Variants in NBPF14 observed in about 807,000 individuals in gnomAD.
NBPF14 encodes NBPF family member NBPF14.
A neutral mutation model predicts 91.2 loss-of-function variants in NBPF14; 104 were observed. The ratio of observed to expected loss-of-function variants is 1.14; its 90% CI spans 0.97 to 1.34. The LOEUF is 1.34. Ranked by LOEUF, NBPF14 falls within the 40% of genes most tolerant of loss-of-function variation. The pLI is 0.00. For missense variants in NBPF14, 908 were observed against 783.0 expected, an observed-to-expected ratio of 1.16 and a Z score of -1.91; for synonymous variants, 294 against 303.8, an observed-to-expected ratio of 0.97 and a Z score of 0.34.
intron 69 of NBPF14, among the ~76,000 whole-genome samples, chr1:148,534,214 T>A (rs1302354157): frequency 1.3e-5 from 2 of 150,878 alleles, no homozygotes; most frequent in African/African-American, 2.4e-5. Context: ...TTGTCCCAAG[T>A]TTCTGCAAAC....
chr1:148,559,676 T>C lies in NBPF14; in HGVS notation c.4729+117A>G, dbSNP rs1412373788. Reference sequence around the variant, plus strand: ...GTTTCATTCAACCTACATGTGCCTATAGGTCCTCCCTGTGGCAATGACATC... The same window carrying C: ...GTTTCATTCAACCTACATGTGCCTACAGGTCCTCCCTGTGGCAATGACATC... On this transcript the variant is annotated intron_variant, in intron 37 of 70. Transcript: ENST00000619423. The C allele has an allele frequency of 3.6e-3, 2,326 of 652,386 alleles. 42 individuals carry two copies. The highest frequency in any genetic ancestry group is 7.2e-3 in the South Asian group (414 of 57,612). The allele number at this position is 652,386 out of a possible 1,614,324, so 40.4% of individuals were successfully genotyped here.
intron 40 of NBPF14, among the ~76,000 whole-genome samples, 168 bp from the exon 41 acceptor site, chr1:148,557,030 T>C (rs1656680368): frequency 1.0e-5 from 1 of 97,648 alleles, no homozygotes; most frequent in Non-Finnish European, 1.8e-5. Flanking sequence ...CAGGGCCAAA[T>C]GGAAAAGAAT....
chr1:148,594,014 C>T (rs1553798058), intron 2 of NBPF14, among the ~76,000 whole-genome samples: 1 of 148,884 alleles, frequency 6.7e-6, no homozygotes, highest in Non-Finnish European at 1.5e-5. Flanking sequence ...CTTTCCCAAG[C>T]CTTGCAGCCT....
intron 70 of NBPF14, 83 bp downstream of exon 70, chr1:148,533,778 C>A (rs797039629): frequency 2.6e-6 from 2 of 763,608 alleles, no homozygotes; most frequent in South Asian, 1.3e-5. Context: ...GAAAATATGA[C>A]ATCAAACACA....
intron 59 of NBPF14, among the ~76,000 whole-genome samples, chr1:148,542,193 G>C (rs1214612558): frequency 9.3e-5 from 8 of 86,406 alleles, no homozygotes; most frequent in East Asian, 7.8e-4. Flanking sequence ...CAAATACGCA[G>C]ATTGTTCATG....
rs1653955407 is a variant in NBPF14 at position 148,533,032 on chromosome 1, GA to G, written c.8939del (p.Phe2980SerfsTer29). On this transcript the variant is annotated frameshift_variant, in exon 71 of 71. Transcript: ENST00000619423. LOFTEE classifies it high-confidence loss of function. ...ATTGTGGGAATATGACTCCCATCTG[GA>G]ACACCAGGTGGAGACTTGTCACCGT... 1 of 1,055,130 alleles carries G rather than the reference GA, an allele frequency of 9.5e-7. No individual in the cohort carries two copies. The highest frequency in any genetic ancestry group is 1.3e-6 in the Non-Finnish European group (1 of 787,088). 65.4% of individuals were successfully genotyped at this position (1,055,130 alleles called of 1,614,324 possible).
chr1:148,578,208 T>A (rs1190553035), intron 13 of NBPF14, among the ~76,000 whole-genome samples, 174 bp from the exon 14 acceptor site: 6 of 151,880 alleles, frequency 4.0e-5, no homozygotes, highest in Non-Finnish European at 2.9e-5. Flanking sequence ...TGGCTTGTGT[T>A]CTTTCATGAG....
intron 68 of NBPF14, among the ~76,000 whole-genome samples, chr1:148,535,112 G>A (rs1469306981): frequency 1.4e-5 from 2 of 146,402 alleles, no homozygotes; most frequent in African/African-American, 5.3e-5. Flanking sequence ...ACACACTGAT[G>A]AAGGGGTCAA....
At chr1:148,590,249 G>T (rs1662262694) in intron 6 of NBPF14, among the ~76,000 whole-genome samples, 1 of 139,914 alleles carries the variant, frequency 7.1e-6, no homozygotes, top group Non-Finnish European at 1.6e-5. Flanking sequence ...AGTAAAGATG[G>T]GGTTTCACCG....
chr1:148,560,277 A>C (rs1657587955), intron 36 of NBPF14, among the ~76,000 whole-genome samples: 1 of 144,554 alleles, frequency 6.9e-6, no homozygotes, highest in East Asian at 2.1e-4. Flanking sequence ...CCCTCATGAC[A>C]CACAGCAAAC....
chr1:148,580,873 A>ATT (rs1660802190), intron 12 of NBPF14, among the ~76,000 whole-genome samples: 1 of 104,846 alleles, frequency 9.5e-6, no homozygotes, highest in Non-Finnish European at 2.0e-5. Context: ...TTTTTTTTTT[A>ATT]ATACTTTAAG....
At position 148,566,437 on chromosome 1, in the gene NBPF14, G is replaced by A. The variant is rs1296695565; in HGVS notation, c.3543-122C>T. ...AAACTAAAAGGATAGATCCATTAAT[G>A]AGGTAACAAATTGTTGCCTTCATGT... On this transcript the variant is annotated intron_variant, in intron 28 of 70. Transcript: ENST00000619423. The A allele has an allele frequency of 1.5e-5, 9 of 602,702 alleles. 2 individuals are homozygous for A. Among genetic ancestry groups the A allele is most frequent in the African/African-American group, 9.7e-5 (5 of 51,562 alleles). The allele number at this position is 602,702 out of a possible 1,614,324, so 37.3% of individuals were successfully genotyped here.
At chr1:148,581,705 G>C (rs1200171942) in intron 12 of NBPF14, among the ~76,000 whole-genome samples, 1 of 150,732 alleles carries the variant, frequency 6.6e-6, no homozygotes, top group Non-Finnish European at 1.5e-5. Flanking sequence ...ACCGGTACCA[G>C]CCACTGCAAA....
At chr1:148,580,800 CTTT>C (rs1257563102) in intron 12 of NBPF14, among the ~76,000 whole-genome samples, 1 of 74,986 alleles carries the variant, frequency 1.3e-5, no homozygotes. Context: ...ATTCAACATT[CTTT>C]TTTTTTTCCA....
At chr1:148,535,982 C>T (rs1272427031) in intron 67 of NBPF14, among the ~76,000 whole-genome samples, 1 of 150,212 alleles carries the variant, frequency 6.7e-6, no homozygotes, top group South Asian at 2.1e-4. Flanking sequence ...GATCCAACAT[C>T]TTGAGAGTAG....
chr1:148,534,404 T>C (rs1429623694), intron 69 of NBPF14, among the ~76,000 whole-genome samples: 1 of 151,666 alleles, frequency 6.6e-6, no homozygotes, highest in Non-Finnish European at 1.5e-5. Flanking sequence ...AAAATCACAG[T>C]TCTCTGAATT....
rs797036896 is a variant in NBPF14, at chr1:148,533,764, T to C, written c.8723+97A>G. 1.6e-4 allele frequency: 121 copies of C among 759,404 alleles called. 4 individuals carry two copies. The highest frequency in any genetic ancestry group is 1.2e-3 in the South Asian group (88 of 74,014). 47.0% of individuals were successfully genotyped at this position (759,404 alleles called of 1,614,324 possible). ...ATGACAGTAGGAGTAATTCAGCCTTTGTTGAAAATATGACATCAAACACAC... is the reference window on the plus strand; with the variant it reads ...ATGACAGTAGGAGTAATTCAGCCTTCGTTGAAAATATGACATCAAACACAC... On this transcript the variant is annotated intron_variant, in intron 70 of 70. Transcript: ENST00000619423.
At position 148,595,103 on chromosome 1, in the gene NBPF14, C is replaced by T. The variant is rs1475515726; in HGVS notation, c.175+440G>A. On this transcript the variant is annotated intron_variant, in intron 2 of 70. Coordinates refer to ENST00000619423, the Ensembl canonical transcript of NBPF14. The stretch of plus-strand genomic sequence containing the variant: ...AGGTACTGGCTACTATCACCAAGTT[C>T]CCCTCAGAGTCACTAGAACAGAGCT... 1.1e-4 allele frequency among the ~76,000 whole-genome samples: 15 copies of T among 142,808 alleles called. 1 individual carries two copies. The highest frequency in any genetic ancestry group is 3.5e-4 in the Admixed American group (5 of 14,370). 93.7% of individuals were successfully genotyped at this position (142,808 alleles called of 152,430 possible). A position where few individuals can be genotyped will look rare whatever the true frequency, so the allele number is the denominator to read the frequency against.
chr1:148,534,993 G>A (rs1284910523), intron 68 of NBPF14, 137 bp from the exon 69 acceptor site: 5 of 713,546 alleles, frequency 7.0e-6, no homozygotes, highest in Admixed American at 4.0e-5. Flanking sequence ...ACGAATTATT[G>A]CCTTTATGTT....
Sources: allele counts gnomAD v4.1 joint callset (sites outside exome capture counted in the v4.1 genomes callset), GRCh38; gene constraint gnomAD v4.1.1; transcripts MANE v1.5; gene names NCBI Gene and HGNC (gene_info 2026-07-23, HGNC 2026-07-21).